The following FMNL2 variants were observed in gnomAD, a reference collection of about 807,000 sequenced individuals.
FMNL2 encodes the protein formin-like protein 2.
In FMNL2, 51 loss-of-function variants were observed where a neutral mutation model predicts 130.2. The ratio of observed to expected loss-of-function variants is 0.39; its 90% confidence interval spans 0.31 to 0.49. The LOEUF is 0.49. Among genes scored for constraint, FMNL2 ranks in the 20% least tolerant of loss-of-function variants. The pLI is 0.85. For synonymous variants in FMNL2, 465 were observed against 467.1 expected (o/e 1.00, Z 0.06); for missense variants, 977 against 1,316.2 (o/e 0.74, Z 3.99).
chr2:152,458,852 C>T (rs10432493), intron 1 of FMNL2, among the ~76,000 whole-genome samples: 63,358 of 151,988 alleles, frequency 0.42, 14,887 homozygotes, highest in East Asian at 0.7. Flanking sequence ...TTCTGGGAAA[C>T]GATACCAGTT....
At chr2:152,533,663 T>C (rs1693833148) in intron 2 of FMNL2, among the ~76,000 whole-genome samples, 1 of 151,956 alleles carries the variant, frequency 6.6e-6, no homozygotes, top group African/African-American at 2.4e-5. Flanking sequence ...TTCCAGGAGT[T>C]TGGCAGAAGA....
intron 1 of FMNL2, among the ~76,000 whole-genome samples, chr2:152,517,596 A>C (rs748462596): frequency 6.6e-6 from 1 of 152,174 alleles, no homozygotes; most frequent in African/African-American, 2.4e-5. Flanking sequence ...ATGACATTTG[A>C]ATTGATTCTT....
intron 5 of FMNL2, among the ~76,000 whole-genome samples, chr2:152,559,830 C>T (rs1196234263): frequency 1.3e-5 from 2 of 152,180 alleles, no homozygotes; most frequent in Non-Finnish European, 2.9e-5. Flanking sequence ...CATTCTAACT[C>T]TTTTATGTTC....
At chr2:152,420,338 G>C (rs1686843400) in intron 1 of FMNL2, among the ~76,000 whole-genome samples, 1 of 152,176 alleles carries the variant, frequency 6.6e-6, no homozygotes, top group Non-Finnish European at 1.5e-5. Context: ...TTTCTGTAGA[G>C]TTTCATTTGT....
At chr2:152,394,097 C>T (rs1685266588) in intron 1 of FMNL2, among the ~76,000 whole-genome samples, 1 of 152,100 alleles carries the variant, frequency 6.6e-6, no homozygotes, top group Admixed American at 6.5e-5. Context: ...TTCCTCACTT[C>T]CTTTTTTAGA....
At chr2:152,615,062 A>C (rs1698878719) in intron 12 of FMNL2, 62 bp downstream of exon 12, 1 of 1,568,186 alleles carries the variant, frequency 6.4e-7, no homozygotes, top group Non-Finnish European at 8.7e-7. Context: ...AGCAGAATTA[A>C]TGTCAGCTTT....
intron 1 of FMNL2, among the ~76,000 whole-genome samples, chr2:152,462,358 C>T (rs941198824): frequency 5.3e-5 from 8 of 152,170 alleles, no homozygotes; most frequent in African/African-American, 1.9e-4. Context: ...ATAGCTTAGA[C>T]CAGTGGTTTT....
chr2:152,437,266 A>T (rs920267826), intron 1 of FMNL2, among the ~76,000 whole-genome samples: 1 of 152,192 alleles, frequency 6.6e-6, no homozygotes, highest in Non-Finnish European at 1.5e-5. Flanking sequence ...ATAGCAGATG[A>T]TATGGATACT....
intron 3 of FMNL2, among the ~76,000 whole-genome samples, chr2:152,545,856 G>T (rs1694604177): frequency 6.6e-6 from 1 of 152,148 alleles, no homozygotes; most frequent in African/African-American, 2.4e-5. Flanking sequence ...CTTCTCTGTG[G>T]CCCAGAATCT....
At chr2:152,437,495 C>G (rs1187979534) in intron 1 of FMNL2, among the ~76,000 whole-genome samples, 3 of 152,184 alleles carry the variant, frequency 2.0e-5, no homozygotes, top group East Asian at 3.8e-4. Flanking sequence ...AAAAGATGCT[C>G]TAGCCCAGCA....
Position 152,640,018 on chromosome 2 carries a change from C to A in FMNL2, c.3007C>A (p.Leu1003Ile). 1 of 1,557,198 alleles carries A rather than the reference C, an allele frequency of 6.4e-7. No homozygotes were observed. Among genetic ancestry groups the A allele is most frequent in the East Asian group, 2.4e-5 (1 of 41,240 alleles). The change falls in exon 24 of 26, where the codon CTA (leucine) becomes ATA (isoleucine). Residue 1003 changes from leucine to isoleucine, a missense_variant. By Grantham distance (5) the Leu-to-Ile change is conservative. Coordinates refer to ENST00000288670, the MANE Select transcript of FMNL2 (RefSeq NM_052905.4). ...GGAACAAGCTCTCATGGAAAAACTC[C>A]TAGAGCAAGAAGCTCTGATGGAGCA... ...KQEQALMEKLLEQEALMEQQD... is the reference protein window; with the variant it reads ...KQEQALMEKLIEQEALMEQQD...
At chr2:152,539,766 T>C (rs574008282) in intron 2 of FMNL2, among the ~76,000 whole-genome samples, 80 of 152,118 alleles carry the variant, frequency 5.3e-4, no homozygotes, top group African/African-American at 1.9e-3. Context: ...CAGTCCCAAA[T>C]AGGAAATGAA....
intron 2 of FMNL2, among the ~76,000 whole-genome samples, chr2:152,540,550 A>C (rs963396373): frequency 2.6e-5 from 4 of 152,092 alleles, no homozygotes; most frequent in Non-Finnish European, 5.9e-5. Flanking sequence ...TAGGTGTCCT[A>C]CTACAAACCA....
At chr2:152,378,723 T>G (rs1684301936) in intron 1 of FMNL2, among the ~76,000 whole-genome samples, 1 of 152,142 alleles carries the variant, frequency 6.6e-6, no homozygotes, top group Non-Finnish European at 1.5e-5. Flanking sequence ...CCTGTCTGCC[T>G]TATTGCTTTG....
chr2:152,540,312 T>C (rs990741735), intron 2 of FMNL2, among the ~76,000 whole-genome samples: 5 of 152,082 alleles, frequency 3.3e-5, no homozygotes, highest in Non-Finnish European at 7.4e-5. Flanking sequence ...CTCTGATTCC[T>C]TGGTGAGGTG....
chr2:152,601,800 C>T (rs1288706511), intron 9 of FMNL2, among the ~76,000 whole-genome samples: 2 of 149,814 alleles, frequency 1.3e-5, no homozygotes, highest in Non-Finnish European at 3.0e-5. Context: ...CTTCCTAATA[C>T]GTGGGATTAC....
At chr2:152,542,082 T>A (rs1017823684) in intron 2 of FMNL2, among the ~76,000 whole-genome samples, 12 of 152,328 alleles carry the variant, frequency 7.9e-5, no homozygotes, top group Middle Eastern at 3.4e-3. Flanking sequence ...AGATATCACC[T>A]TGGACTGTAT....
rs60446845 is a variant in FMNL2 at position 152,402,104 on chromosome 2, A to G, written c.117+66384A>G. 0.045 allele frequency among the ~76,000 whole-genome samples: 6,827 copies of G among 151,878 alleles called. 882 individuals are homozygous for G. In the East Asian group the frequency reaches 0.52, roughly 12 times the overall value. On this transcript the variant is annotated intron_variant, in intron 1 of 25. Transcript: ENST00000288670. Reference sequence around the variant, plus strand: ...TTTTTAGTAGAGACAGGGTTTCACCATGTTAGCCAGGATGGTCTCGATCTC... The same window carrying G: ...TTTTTAGTAGAGACAGGGTTTCACCGTGTTAGCCAGGATGGTCTCGATCTC...
intron 9 of FMNL2, among the ~76,000 whole-genome samples, chr2:152,589,106 T>TC: frequency 7.0e-6 from 1 of 141,972 alleles, no homozygotes; most frequent in South Asian, 2.2e-4. Context: ...TGGGGGAGCT[T>TC]AAAAAAAAAA....
Sources: gnomAD v4.1 joint callset for allele counts (sites outside exome capture counted in the v4.1 genomes callset) on GRCh38, gnomAD v4.1.1 for gene constraint, MANE v1.5 for transcripts, NCBI Gene and HGNC (gene_info 2026-07-23, HGNC 2026-07-21) for gene names.